DCST2: variants seen among roughly 807,000 people sequenced by gnomAD.
DCST2 encodes DC-STAMP domain containing 2.
Under a neutral mutation model 81.8 loss-of-function variants are expected in DCST2, and 64 were observed. That is an observed-to-expected ratio of 0.78 (90% CI 0.64 to 0.96). DCST2 has a LOEUF of 0.96. Among genes scored for constraint, DCST2 ranks in the 40% least tolerant of loss-of-function variants. The pLI is 0.00. For synonymous variants in DCST2, 354 were observed against 402.6 expected (o/e 0.88, Z 1.44); for missense variants, 945 against 1,001.4 (o/e 0.94, Z 0.76).
chr1:155,019,237 G>A (rs528281345), intron 14 of DCST2, among the ~76,000 whole-genome samples: 2 of 152,294 alleles, frequency 1.3e-5, no homozygotes, highest in South Asian at 2.1e-4. Flanking sequence ...CAGCTGGCCC[G>A]TAGTGTTTTT....
chr1:155,027,606 G>A (rs1659951338), intron 8 of DCST2, among the ~76,000 whole-genome samples: 1 of 138,810 alleles, frequency 7.2e-6, no homozygotes, highest in Non-Finnish European at 1.5e-5. Context: ...TGTCACCCAG[G>A]CTGGAGTGCA....
rs755914870 is a variant in DCST2 at position 155,032,780 on chromosome 1, G to A, written c.440-12C>T. ...CTTGTTCAGGGCACCTGATGGGTGA[G>A]GGACAGAGGCACTTTGGAGTCTTCT... On this transcript the variant is annotated splice_polypyrimidine_tract_variant and intron_variant, in intron 2 of 14. Transcript: ENST00000368424. 1 of 1,611,982 alleles carries A rather than the reference G, an allele frequency of 6.2e-7. No individual in the cohort carries two copies. Among genetic ancestry groups the A allele is most frequent in the African/African-American group, 1.3e-5 (1 of 75,012 alleles).
Position 155,033,662 on chromosome 1 carries a change from C to T in DCST2, c.40G>A (p.Gly14Arg). ...VMKDVVHPLG[G>R]EEPSMARAVV... The stretch of plus-strand genomic sequence containing the variant: ...GCTCTCGCCATGCTAGGCTCCTCTC[C>T]CCCCAAGGGGTGCACAACATCCTTC... Residue 14 changes from glycine (G) to arginine (R), a missense_variant, in exon 1 of 15, where the codon GGA becomes AGA. Gly to Arg is a moderately radical substitution (Grantham distance 125). Coordinates refer to ENST00000368424, the MANE Select transcript of DCST2 (RefSeq NM_144622.3). 1 of 1,614,156 alleles carries T rather than the reference C, an allele frequency of 6.2e-7. No homozygotes were observed. The highest frequency in any genetic ancestry group is 8.5e-7 in the Non-Finnish European group (1 of 1,179,994).
At chr1:155,025,752 G>T in intron 10 of DCST2, among the ~76,000 whole-genome samples, 1 of 151,760 alleles carries the variant, frequency 6.6e-6, no homozygotes, top group South Asian at 2.1e-4. Context: ...AGGCTGGAGT[G>T]CAGTGGTGCA....
intron 5 of DCST2, 22 bp from the exon 6 acceptor site, chr1:155,030,667 G>T (rs1404621467): frequency 2.5e-6 from 4 of 1,613,212 alleles, no homozygotes; most frequent in Non-Finnish European, 3.4e-6. Flanking sequence ...AGGTTCAGGG[G>T]AGACGTGGGC....
intron 5 of DCST2, chr1:155,030,940 TC>T: frequency 3.3e-6 from 2 of 615,070 alleles, no homozygotes; most frequent in Non-Finnish European, 2.8e-6. Context: ...CTGGTTCTGT[TC>T]CCAGCTCCTG....
intron 7 of DCST2, 61 bp downstream of exon 7, chr1:155,030,023 C>A (rs755457920): frequency 5.6e-6 from 9 of 1,601,726 alleles, no homozygotes; most frequent in East Asian, 4.5e-5. Context: ...GGCAGGGCAG[C>A]GGGGTGGGGG....
intron 8 of DCST2, among the ~76,000 whole-genome samples, chr1:155,027,554 C>CTTTTTTTTTTTTTTTTTTTTTTT (rs779621299): frequency 3.1e-5 from 2 of 64,022 alleles, no homozygotes; most frequent in Non-Finnish European, 5.7e-5. Flanking sequence ...TTTTTTACTT[C>CTTTTTTTTTTTTTTTTTTTTTTT]TTTTTTTTTT....
In DCST2 at chr1:155,033,137, G is replaced by C; in HGVS notation, c.396C>G (p.Asn132Lys). Residue 132 changes from asparagine (N) to lysine (K), a missense_variant, in exon 2 of 15, where the codon AAC becomes AAG. By Grantham distance (94) the Asn-to-Lys change is moderately conservative (BLOSUM62 0). Transcript: ENST00000368424. ...AVACGAELAL[N>K]QTAEVLQRAK... Reference sequence around the variant, plus strand: ...CCCTCTGTAGCACTTCGGCGGTCTGGTTCAGGGCCAGCTCTGCCCCACAGG... The same window carrying C: ...CCCTCTGTAGCACTTCGGCGGTCTGCTTCAGGGCCAGCTCTGCCCCACAGG... 6.2e-7 allele frequency: 1 copy of C among 1,606,134 alleles called. No homozygotes were observed. Among genetic ancestry groups the C allele is most frequent in the South Asian group, 1.1e-5 (1 of 89,896 alleles).
At chr1:155,033,006 G>A in intron 2 of DCST2, 88 bp downstream of exon 2, 1 of 1,394,856 alleles carries the variant, frequency 7.2e-7, no homozygotes, top group Non-Finnish European at 9.6e-7. Context: ...AGCACCAGCA[G>A]AGAAGGAGGC....
chr1:155,030,815 T>C (rs1478381636), intron 5 of DCST2, 170 bp from the exon 6 acceptor site: 1 of 662,292 alleles, frequency 1.5e-6, no homozygotes, highest in African/African-American at 1.8e-5. Context: ...CCTCCACGTA[T>C]CTGTGCCATC....
At chr1:155,030,751 C>G in intron 5 of DCST2, 106 bp from the exon 6 acceptor site, 1 of 1,250,238 alleles carries the variant, frequency 8.0e-7, no homozygotes, top group South Asian at 1.4e-5. Flanking sequence ...AGCTTACAGA[C>G]CAGCTGGGAA....
intron 7 of DCST2, 62 bp downstream of exon 7, chr1:155,030,022 G>T (rs1301042597): frequency 1.9e-6 from 3 of 1,602,044 alleles, no homozygotes; most frequent in African/African-American, 2.7e-5. Flanking sequence ...GGGCAGGGCA[G>T]CGGGGTGGGG....
chr1:155,027,342 C>T (rs1659943429), intron 8 of DCST2, among the ~76,000 whole-genome samples: 1 of 138,516 alleles, frequency 7.2e-6, no homozygotes, highest in Non-Finnish European at 1.5e-5. Context: ...GAGTAAGACC[C>T]CCAGAAACAT....
chr1:155,024,023 C>A, intron 11 of DCST2, 64 bp from the exon 12 acceptor site: 1 of 1,557,012 alleles, frequency 6.4e-7, no homozygotes, highest in Admixed American at 1.9e-5. Flanking sequence ...CCCACTCCAG[C>A]ACCAACCTCC....
intron 14 of DCST2, among the ~76,000 whole-genome samples, chr1:155,021,566 T>TAAC (rs555239671): frequency 0.74 from 112,220 of 150,850 alleles, 42,192 homozygotes; most frequent in East Asian, 0.96. Context: ...GTCTCTAACT[T>TAAC]AACCCCCCAA....
Position 155,030,203 on chromosome 1 carries a change from T to C in DCST2, c.1058A>G (p.His353Arg), listed in dbSNP as rs1284393641. 6.2e-7 allele frequency: 1 copy of C among 1,614,168 alleles called. No individual in the cohort carries two copies. The highest frequency in any genetic ancestry group is 8.5e-7 in the Non-Finnish European group (1 of 1,180,016). The change falls in exon 7 of 15, where the codon CAT (histidine) becomes CGT (arginine). Residue 353 changes from histidine (H) to arginine (R), a missense_variant. By Grantham distance (29) the His-to-Arg change is conservative (BLOSUM62 0). Transcript: ENST00000368424. Reference sequence around the variant, plus strand: ...GCTAGTGATGTAGATATTGTCATAATGGTCCCAGTTCAGGTAACAATACCG... The same window carrying C: ...GCTAGTGATGTAGATATTGTCATAACGGTCCCAGTTCAGGTAACAATACCG... ...FYRYCYLNWD[H>R]YDNIYITSRF...
Position 155,021,933 on chromosome 1 carries a change from C to T in DCST2, c.2105+1184G>A, listed in dbSNP as rs183366374. ...CTGGGCTGGAGTGCAGTGGTGTGAT[C>T]TTGGCTCACTGCAATCTCTGCCTCC... is the stretch of plus-strand genomic sequence containing the variant. On this transcript the variant is annotated intron_variant, in intron 14 of 14. Transcript: ENST00000368424. Among the ~76,000 whole-genome samples the T allele has an allele frequency of 7.5e-3, 1,137 of 150,656 alleles. 17 individuals are homozygous for T. The highest frequency in any genetic ancestry group is 0.027 in the African/African-American group (1,087 of 40,922).
chr1:155,030,658 G>C lies in DCST2; in HGVS notation c.806-13C>G. The C allele has an allele frequency of 6.2e-7, 1 of 1,613,802 alleles. No individual in the cohort carries two copies. The highest frequency in any genetic ancestry group is 8.5e-7 in the Non-Finnish European group (1 of 1,179,876). On this transcript the variant is annotated splice_polypyrimidine_tract_variant and intron_variant, in intron 5 of 14. Transcript: ENST00000368424. ...AACTGAATCACGGCTGGGGCCAGCAGGTTCAGGGGAGACGTGGGCAAGGAG... is the reference window on the plus strand; with the variant it reads ...AACTGAATCACGGCTGGGGCCAGCACGTTCAGGGGAGACGTGGGCAAGGAG...
Sources: allele counts gnomAD v4.1 joint callset (sites outside exome capture counted in the v4.1 genomes callset), GRCh38; gene constraint gnomAD v4.1.1; transcripts MANE v1.5; gene names NCBI Gene and HGNC (gene_info 2026-07-23, HGNC 2026-07-21).